The following HS6ST3 variants were observed in gnomAD, a reference collection of about 807,000 sequenced individuals.
HS6ST3 encodes heparan sulfate 6-O-sulfotransferase 3.
A neutral mutation model predicts 36.7 loss-of-function variants in HS6ST3; 12 were observed. The ratio of observed to expected loss-of-function variants is 0.33; its 90% confidence interval spans 0.21 to 0.53. The LOEUF (loss-of-function observed/expected upper bound fraction) is 0.53, where lower values mean the gene tolerates loss of function less well. HS6ST3 is among the 20% of genes least tolerant of loss of function. HS6ST3 has a pLI of 0.95. For missense variants in HS6ST3, 584 were observed against 640.9 expected (o/e 0.91, Z 0.96); for synonymous variants, 240 against 257.5 (o/e 0.93, Z 0.65).
At chr13:96,105,846 C>T (rs1218955431) in intron 1 of HS6ST3, among the ~76,000 whole-genome samples, 1 of 152,108 alleles carries the variant, frequency 6.6e-6, no homozygotes, top group East Asian at 1.9e-4. Context: ...TCCTGGCTTG[C>T]AAAGAATGAA....
rs2055422179 is a variant in HS6ST3, at chr13:96,396,486, G to A, written c.707+304917G>A. Among the ~76,000 whole-genome samples, 2 of 152,126 alleles carry A rather than the reference G, an allele frequency of 1.3e-5. 1 individual carries two copies. The highest frequency in any genetic ancestry group is 4.1e-4 in the South Asian group (2 of 4,822). On this transcript the variant is annotated intron_variant, in intron 1 of 1. Transcript: ENST00000376705. ...CCCAGTATGGAAATTCAAGGCCTTG[G>A]CATATAGATATATAGGTTCTACTGC...
At chr13:96,534,746 G>T (rs968978200) in intron 1 of HS6ST3, among the ~76,000 whole-genome samples, 6 of 152,116 alleles carry the variant, frequency 3.9e-5, no homozygotes, top group African/African-American at 1.4e-4. Context: ...ATCACCTGAG[G>T]TCAGGAGTTC....
chr13:96,131,426 TAAA>T lies in HS6ST3; in HGVS notation c.707+39862_707+39864del, dbSNP rs551902071. ...GAGGTTTACTTTTTTTAAAAAAACT[TAAA>T]AAAATTGACACAATTGTATGTATTT... On this transcript the variant is annotated intron_variant, in intron 1 of 1. Transcript: ENST00000376705. Among the ~76,000 whole-genome samples the T allele has an allele frequency of 1.5e-3, 224 of 152,258 alleles. 1 individual carries two copies. Among genetic ancestry groups the T allele is most frequent in the South Asian group, 4.1e-3 (20 of 4,820 alleles).
At chr13:96,349,127 T>C (rs1445248326) in intron 1 of HS6ST3, among the ~76,000 whole-genome samples, 3 of 152,232 alleles carry the variant, frequency 2.0e-5, no homozygotes, top group Non-Finnish European at 4.4e-5. Context: ...ATCCAATGTT[T>C]GACTCTAATT....
chr13:96,499,655 G>A (rs955036966), intron 1 of HS6ST3, among the ~76,000 whole-genome samples: 2 of 152,178 alleles, frequency 1.3e-5, no homozygotes, highest in Non-Finnish European at 2.9e-5. Flanking sequence ...TTTCTGGGAT[G>A]ATCACTTTCT....
At chr13:96,229,707 A>G (rs1213656852) in intron 1 of HS6ST3, among the ~76,000 whole-genome samples, 1 of 152,204 alleles carries the variant, frequency 6.6e-6, no homozygotes, top group African/African-American at 2.4e-5. Flanking sequence ...TCCATAACAA[A>G]TGGGTATTGA....
intron 1 of HS6ST3, among the ~76,000 whole-genome samples, chr13:96,445,948 A>G (rs972332824): frequency 6.6e-5 from 10 of 152,234 alleles, no homozygotes; most frequent in Non-Finnish European, 1.2e-4. Context: ...CGAGGCGGGC[A>G]GATCACGAAG....
intron 1 of HS6ST3, among the ~76,000 whole-genome samples, chr13:96,564,348 T>C (rs1394331298): frequency 6.6e-6 from 1 of 152,204 alleles, no homozygotes; most frequent in Non-Finnish European, 1.5e-5. Context: ...TTCCCCTTTG[T>C]GGTGAACTGC....
intron 1 of HS6ST3, among the ~76,000 whole-genome samples, chr13:96,118,084 C>G (rs1165757133): frequency 1.3e-5 from 2 of 151,786 alleles, no homozygotes; most frequent in Non-Finnish European, 2.9e-5. Flanking sequence ...GTTGGCCAGG[C>G]TGGTCTCAAA....
chr13:96,785,788 T>C (rs1333183428), intron 1 of HS6ST3, among the ~76,000 whole-genome samples: 1 of 152,186 alleles, frequency 6.6e-6, no homozygotes, highest in Non-Finnish European at 1.5e-5. Context: ...GAGCACCTAC[T>C]ATGGAACCTG....
intron 1 of HS6ST3, among the ~76,000 whole-genome samples, chr13:96,661,225 G>A (rs145749225): frequency 6.7e-4 from 102 of 152,184 alleles, no homozygotes; most frequent in African/African-American, 2.4e-3. Context: ...ACCTAATACT[G>A]TTGGCGGTGT....
chr13:96,150,569 G>C (rs996643729), intron 1 of HS6ST3, among the ~76,000 whole-genome samples: 3 of 151,982 alleles, frequency 2.0e-5, no homozygotes, highest in Non-Finnish European at 4.4e-5. Flanking sequence ...TCCAGCGAAG[G>C]TCTACATTTT....
At chr13:96,241,635 T>G (rs554145208) in intron 1 of HS6ST3, among the ~76,000 whole-genome samples, 2 of 151,678 alleles carry the variant, frequency 1.3e-5, no homozygotes, top group African/African-American at 4.8e-5. Context: ...CCAACTTTTT[T>G]TTTTTTTTGC....
chr13:96,524,361 C>T (rs533597277), intron 1 of HS6ST3, among the ~76,000 whole-genome samples: 7 of 152,326 alleles, frequency 4.6e-5, no homozygotes, highest in African/African-American at 7.2e-5. Context: ...AGAGCTCGAA[C>T]GCTGCACCAG....
At chr13:96,702,930 C>T (rs1047826330) in intron 1 of HS6ST3, among the ~76,000 whole-genome samples, 3 of 152,202 alleles carry the variant, frequency 2.0e-5, no homozygotes, top group Non-Finnish European at 4.4e-5. Context: ...ATAGAAGTTA[C>T]ACAGCATACA....
chr13:96,460,350 TTTAAG>T (rs2055777991), intron 1 of HS6ST3, among the ~76,000 whole-genome samples: 1 of 152,222 alleles, frequency 6.6e-6, no homozygotes, highest in Non-Finnish European at 1.5e-5. Flanking sequence ...CTTCTACTTA[TTTAAG>T]TTGTCGATGG....
intron 1 of HS6ST3, among the ~76,000 whole-genome samples, chr13:96,101,017 G>T (rs1421426982): frequency 6.6e-6 from 1 of 152,094 alleles, no homozygotes; most frequent in South Asian, 2.1e-4. Context: ...CTCTCCAAAG[G>T]AACAGTTAGC....
At chr13:96,307,802 G>T (rs556493383) in intron 1 of HS6ST3, among the ~76,000 whole-genome samples, 4 of 152,006 alleles carry the variant, frequency 2.6e-5, no homozygotes, top group African/African-American at 9.6e-5. Context: ...GCTGTAATTT[G>T]CTTTTTGAAA....
At chr13:96,606,245 G>C (rs2056438262) in intron 1 of HS6ST3, among the ~76,000 whole-genome samples, 1 of 152,026 alleles carries the variant, frequency 6.6e-6, no homozygotes, top group South Asian at 2.1e-4. Context: ...AAAATAAATA[G>C]CTCTACCAAA....
Sources: gnomAD v4.1 joint callset for allele counts (sites outside exome capture counted in the v4.1 genomes callset) on GRCh38, gnomAD v4.1.1 for gene constraint, MANE v1.5 for transcripts, NCBI Gene and HGNC (gene_info 2026-07-23, HGNC 2026-07-21) for gene names.